Variants in PLCB1 observed in about 807,000 individuals in gnomAD.
PLCB1 encodes the protein phospholipase C beta 1.
A neutral mutation model predicts 161.8 loss-of-function variants in PLCB1; 46 were observed. The ratio of observed to expected loss-of-function variants is 0.28; its 90% CI spans 0.22 to 0.36. PLCB1 has a LOEUF of 0.36. Ranked by LOEUF, PLCB1 falls within the 10% of genes least tolerant of loss-of-function variation. PLCB1 has a pLI of 1.00. For missense variants in PLCB1, 1,016 were observed against 1,472.5 expected (o/e 0.69, Z 5.07); for synonymous variants, 517 against 503.7 (o/e 1.03, Z -0.35).
In PLCB1 at chr20:8,658,641, A is replaced by G; in HGVS notation, c.799A>G (p.Lys267Glu). The G allele has an allele frequency of 1.2e-6, 2 of 1,613,160 alleles. No individual in the cohort carries two copies. Among genetic ancestry groups the G allele is most frequent in the Non-Finnish European group, 1.7e-6 (2 of 1,179,480 alleles). The change falls in exon 9 of 32, where the codon AAA (lysine) becomes GAA (glutamate). Residue 267 changes from lysine to glutamate, a missense_variant. Around this residue, in one of 10 missense-constraint regions of PLCB1, gnomAD observed 117 missense variants for 142.2 expected, o/e 0.82. Transcript: ENST00000338037. ...RLNEILYPPLKQEQVQVLIEK... is the reference protein window; with the variant it reads ...RLNEILYPPLEQEQVQVLIEK... ...TAATGAAATACTTTATCCACCTCTA[A>G]AACAAGAGCAAGTCCAAGTATTGAT...
At chr20:8,155,116 G>T (rs557877727) in intron 2 of PLCB1, among the ~76,000 whole-genome samples, 1 of 152,264 alleles carries the variant, frequency 6.6e-6, no homozygotes, top group East Asian at 1.9e-4. Context: ...ATGGCCCAAA[G>T]ATCTGTTATG....
At chr20:8,540,443 G>C (rs1261189652) in intron 3 of PLCB1, among the ~76,000 whole-genome samples, 1 of 151,990 alleles carries the variant, frequency 6.6e-6, no homozygotes, top group Non-Finnish European at 1.5e-5. Flanking sequence ...GGTACATCTT[G>C]CATATTTTAG....
intron 2 of PLCB1, among the ~76,000 whole-genome samples, chr20:8,356,942 A>G (rs947842483): frequency 4.6e-5 from 7 of 152,304 alleles, no homozygotes; most frequent in African/African-American, 1.7e-4. Flanking sequence ...GTGGATTTTC[A>G]AAAAAATTTC....
chr20:8,214,255 G>T lies in PLCB1; in HGVS notation c.177+63884G>T, dbSNP rs1978995245. Among the ~76,000 whole-genome samples, 3 of 152,240 alleles carry T rather than the reference G, an allele frequency of 2.0e-5. No homozygotes were observed. The South Asian group carries it at 6.2e-4, about 32-fold the overall frequency. On this transcript the variant is annotated intron_variant, in intron 2 of 31. Coordinates refer to ENST00000338037, the MANE Select transcript of PLCB1 (RefSeq NM_015192.4). ...TTGAACTGTAATCCCCAGTATTGGAGGTGGGGCCTGGTGGAAGGTGATGGG... is the reference window on the plus strand; with the variant it reads ...TTGAACTGTAATCCCCAGTATTGGATGTGGGGCCTGGTGGAAGGTGATGGG...
chr20:8,132,591 G>T lies in PLCB1; in HGVS notation c.-61G>T. 9 of 1,126,362 alleles carry T rather than the reference G, an allele frequency of 8.0e-6. No individual in the cohort carries two copies. Among genetic ancestry groups the T allele is most frequent in the South Asian group, 1.8e-5 (1 of 56,264 alleles). The allele number at this position is 1,126,362 out of a possible 1,614,324, so 69.8% of individuals were successfully genotyped here. ...GCCCGCGCCCCGCGCCCCGCGCCCC[G>T]CGCACGGTCCCCAGTCCCTGCCGCG... is the stretch of plus-strand genomic sequence containing the variant. On this transcript the variant is annotated 5_prime_UTR_variant, in exon 1 of 32. Transcript: ENST00000338037. This position sits in a 1 kb window ranked among gnomAD's most constrained non-coding sequence, Gnocchi z 5.2.
chr20:8,683,421 C>T (rs116162306), intron 9 of PLCB1, among the ~76,000 whole-genome samples: 2,843 of 151,732 alleles, frequency 0.019, 73 homozygotes, highest in African/African-American at 0.056. Flanking sequence ...TGCTACCCTC[C>T]GACATTTGTT....
intron 2 of PLCB1, among the ~76,000 whole-genome samples, chr20:8,224,900 T>G (rs1477701703): frequency 1.3e-5 from 2 of 152,326 alleles, no homozygotes; most frequent in East Asian, 3.9e-4. Context: ...GTGTACTCAT[T>G]TATATCATGG....
chr20:8,363,271 T>G (rs1986601391), intron 2 of PLCB1, among the ~76,000 whole-genome samples: 1 of 152,148 alleles, frequency 6.6e-6, no homozygotes, highest in Non-Finnish European at 1.5e-5. Context: ...TCTCACCTGC[T>G]TAGGGTATCC....
intron 23 of PLCB1, chr20:8,751,822 C>CTAG (rs1330143363): frequency 1.3e-5 from 2 of 152,186 alleles, no homozygotes; most frequent in East Asian, 3.9e-4. Context: ...CTAGACATTC[C>CTAG]TAGTTTCTGT....
At chr20:8,594,039 C>T (rs1359227546) in intron 3 of PLCB1, among the ~76,000 whole-genome samples, 1 of 152,080 alleles carries the variant, frequency 6.6e-6, no homozygotes. Flanking sequence ...TGTGCACCAC[C>T]ATTCCCAGTT....
At chr20:8,696,797 C>T (rs141598367) in intron 10 of PLCB1, among the ~76,000 whole-genome samples, 2,016 of 151,962 alleles carry the variant, frequency 0.013, 52 homozygotes, top group African/African-American at 0.047. Flanking sequence ...GCAATGGCAC[C>T]ATCTCGGCTC....
At chr20:8,639,977 G>T (rs1474506300) in intron 4 of PLCB1, among the ~76,000 whole-genome samples, 2 of 151,966 alleles carry the variant, frequency 1.3e-5, no homozygotes, top group African/African-American at 2.4e-5. Flanking sequence ...AACAATCAAG[G>T]CCAAAGACAA....
Position 8,546,049 on chromosome 20 carries a change from G to T in PLCB1, c.247-82245G>T, listed in dbSNP as rs549969775. 2.6e-5 allele frequency among the ~76,000 whole-genome samples: 4 copies of T among 152,240 alleles called. No individual in the cohort carries two copies. In the East Asian group the frequency reaches 7.7e-4, roughly 29 times the overall value. On this transcript the variant is annotated intron_variant, in intron 3 of 31. Coordinates refer to ENST00000338037, the MANE Select transcript of PLCB1 (RefSeq NM_015192.4). The stretch of plus-strand genomic sequence containing the variant: ...CTGAAATTCTTGGCTGGGCGCGGTG[G>T]CTCATGCCTGTAATCCCAGCACTTT...
intron 25 of PLCB1, among the ~76,000 whole-genome samples, chr20:8,760,760 T>C (rs1568588400): frequency 6.6e-6 from 1 of 152,236 alleles, no homozygotes; most frequent in Admixed American, 6.5e-5. Flanking sequence ...TGAACAAGAA[T>C]GCCTGTCTTC....
At chr20:8,464,020 T>C (rs1981705318) in intron 3 of PLCB1, among the ~76,000 whole-genome samples, 1 of 152,194 alleles carries the variant, frequency 6.6e-6, no homozygotes, top group African/African-American at 2.4e-5. Flanking sequence ...TTTGTTTGAA[T>C]GAAAAATGGC....
intron 2 of PLCB1, among the ~76,000 whole-genome samples, chr20:8,326,071 ACCCTTCG>A (rs1985140643): frequency 6.6e-6 from 1 of 152,128 alleles, no homozygotes; most frequent in Non-Finnish European, 1.5e-5. Flanking sequence ...AAAGAGATTT[ACCCTTCG>A]AGGTTGTTTA....
At chr20:8,580,148 G>A (rs868452345) in intron 3 of PLCB1, among the ~76,000 whole-genome samples, 1 of 152,152 alleles carries the variant, frequency 6.6e-6, no homozygotes, top group African/African-American at 2.4e-5. Context: ...CCAGGAATTA[G>A]CTAGCCCTCA....
chr20:8,740,562 G>C (rs1980824282), intron 22 of PLCB1, 114 bp downstream of exon 22: 2 of 520,796 alleles, frequency 3.8e-6, no homozygotes, highest in Non-Finnish European at 6.7e-6. Context: ...GGAGATTCTG[G>C]CTTCAGAATC....
chr20:8,375,271 A>G (rs1336831045), intron 3 of PLCB1, among the ~76,000 whole-genome samples: 1 of 152,134 alleles, frequency 6.6e-6, no homozygotes, highest in Non-Finnish European at 1.5e-5. Flanking sequence ...TAAGGGCAAG[A>G]TGCTGTGGTA....
Sources: gnomAD v4.1 joint callset for allele counts (sites outside exome capture counted in the v4.1 genomes callset) on GRCh38, gnomAD v4.1.1 for gene constraint, gnomAD v4.1.1 regional missense constraint, Gnocchi (gnomAD v3.1) non-coding constraint, MANE v1.5 for transcripts, NCBI Gene and HGNC (gene_info 2026-07-23, HGNC 2026-07-21) for gene names.